The following PTPN14 variants were observed in gnomAD, a reference collection of about 807,000 sequenced individuals.
PTPN14 encodes tyrosine-protein phosphatase non-receptor type 14.
PTPN14 carries 53 observed loss-of-function variants against 126.8 expected under a neutral mutation model. That is an observed-to-expected ratio of 0.42 (90% CI 0.34 to 0.53). The LOEUF (loss-of-function observed/expected upper bound fraction) is 0.53. Ranked by LOEUF, PTPN14 falls within the 20% of genes least tolerant of loss-of-function variation. The probability of loss-of-function intolerance (pLI) is 0.08; values close to 1 mark genes in which losing one functional copy is unlikely to be tolerated. For synonymous variants in PTPN14, 630 were observed against 599.3 expected, an observed-to-expected ratio of 1.05 and a Z score of -0.75; for missense variants, 1,257 against 1,552.9, an observed-to-expected ratio of 0.81 and a Z score of 3.20.
chr1:214,520,644 G>A (rs984899553), intron 1 of PTPN14, among the ~76,000 whole-genome samples: 12 of 152,132 alleles, frequency 7.9e-5, no homozygotes, highest in Admixed American at 6.5e-4. Context: ...TAGGAAGAGA[G>A]GAGCAGGCTA....
intron 18 of PTPN14, among the ~76,000 whole-genome samples, chr1:214,360,414 C>T (rs866934420): frequency 6.6e-6 from 1 of 152,162 alleles, no homozygotes; most frequent in African/African-American, 2.4e-5. Flanking sequence ...TGTGAATCTT[C>T]GAACTATGAA....
Position 214,369,725 on chromosome 1 carries a change from G to A in PTPN14, c.3037-34C>T, listed in dbSNP as rs533854331. 11 of 1,562,216 alleles carry A rather than the reference G, an allele frequency of 7.0e-6. No individual in the cohort carries two copies. The South Asian group carries it at 1.2e-4, about 17-fold the overall frequency. The stretch of plus-strand genomic sequence containing the variant: ...CATATAAAAGCAAAATTGGAAATAG[G>A]TCAAGGGAAGCTCTCATCCTTTTAA... On this transcript the variant is annotated intron_variant, in intron 16 of 18. Transcript: ENST00000366956.
rs758401651 is a variant in PTPN14, at chr1:214,383,912, C to T, written c.1943G>A (p.Ser648Asn). 2.7e-5 allele frequency: 43 copies of T among 1,613,334 alleles called. 1 individual carries two copies. In the South Asian group the frequency reaches 4.7e-4, roughly 18 times the overall value. ...CATGGCCTCCATGCCCCGCACCATG[C>T]TGTTCATCACCTCCAGGCTGTGGCG... ...NKRHSLEVMN[S>N]MVRGMEAMTL... Residue 648 changes from serine to asparagine, a missense_variant, in exon 13 of 19, where the codon AGC becomes AAC. Physicochemically the swap from Ser to Asn is conservative, Grantham distance 46 (BLOSUM62 1). This residue lies in a region of PTPN14 where 1,021 missense variants were observed against 1,183.3 expected (regional missense o/e 0.86). Coordinates refer to ENST00000366956, the MANE Select transcript of PTPN14 (RefSeq NM_005401.5). This position sits in a 1 kb window ranked among gnomAD's most constrained non-coding sequence, Gnocchi z 4.4.
At chr1:214,549,248 G>C (rs1262689379) in intron 1 of PTPN14, among the ~76,000 whole-genome samples, 1 of 152,130 alleles carries the variant, frequency 6.6e-6, no homozygotes, top group African/African-American at 2.4e-5. Flanking sequence ...CCCTTGAAAG[G>C]CAAACCACGT....
intron 1 of PTPN14, among the ~76,000 whole-genome samples, chr1:214,477,889 C>A (rs948175159): frequency 4.6e-5 from 7 of 152,200 alleles, no homozygotes; most frequent in African/African-American, 1.4e-4. Flanking sequence ...ACTCCTTTTG[C>A]TCTTCTGATT....
At chr1:214,439,194 C>G (rs1659984262) in intron 3 of PTPN14, among the ~76,000 whole-genome samples, 1 of 152,206 alleles carries the variant, frequency 6.6e-6, no homozygotes, top group African/African-American at 2.4e-5. Context: ...ACATACAGAG[C>G]TCTAGCAGAT....
intron 1 of PTPN14, among the ~76,000 whole-genome samples, chr1:214,494,739 C>G (rs1396688270): frequency 3.9e-5 from 6 of 152,224 alleles, no homozygotes; most frequent in African/African-American, 1.4e-4. Context: ...AGTGGCCTCT[C>G]CTGATGTTTC....
At chr1:214,441,386 T>C (rs931254146) in intron 3 of PTPN14, among the ~76,000 whole-genome samples, 5 of 152,188 alleles carry the variant, frequency 3.3e-5, no homozygotes, top group Non-Finnish European at 7.4e-5. Flanking sequence ...AGGTTTTGGA[T>C]TCTTGTGCTT....
intron 10 of PTPN14, among the ~76,000 whole-genome samples, chr1:214,391,406 TCA>T (rs1016551739): frequency 8.5e-5 from 13 of 152,224 alleles, no homozygotes; most frequent in African/African-American, 2.4e-4. Context: ...GTAAAATCTT[TCA>T]CAGTTTTTAA....
At position 214,355,887 on chromosome 1, in the gene PTPN14, A is replaced by G. The variant is rs1571946104; in HGVS notation, c.*2035T>C. On this transcript the variant is annotated 3_prime_UTR_variant, in exon 19 of 19. Coordinates refer to ENST00000366956, the MANE Select transcript of PTPN14 (RefSeq NM_005401.5). ...GCATATGGAACTCTCACAGCAGTCA[A>G]TTCTAAGAAAAAAAACTGCAATTAA... The G allele has an allele frequency of 1.3e-5, 2 of 152,042 alleles. No homozygotes were observed. The highest frequency in any genetic ancestry group is 4.2e-4 in the South Asian group (2 of 4,814). 9.4% of individuals were successfully genotyped at this position (152,042 alleles called of 1,614,324 possible).
At position 214,383,420 on chromosome 1, in the gene PTPN14, T is replaced by A; in HGVS notation, c.2435A>T (p.Asp812Val). The change falls in exon 13 of 19, where the codon GAC becomes GTC. Residue 812 changes from aspartate to valine, a missense_variant. Coordinates refer to ENST00000366956, the MANE Select transcript of PTPN14 (RefSeq NM_005401.5). This position sits in a 1 kb window ranked among gnomAD's most constrained non-coding sequence, Gnocchi z 4.4. ...ASLGPSISEP[D>V]LTSVKERVKK... The stretch of plus-strand genomic sequence containing the variant: ...GACCCGCTCCTTCACACTAGTCAGG[T>A]CGGGTTCCGAGATGGATGGGCCGAG... The A allele has an allele frequency of 6.2e-7, 1 of 1,614,202 alleles. No individual in the cohort carries two copies. Among genetic ancestry groups the A allele is most frequent in the Non-Finnish European group, 8.5e-7 (1 of 1,180,038 alleles).
chr1:214,448,955 C>G (rs187729356), intron 3 of PTPN14, among the ~76,000 whole-genome samples: 30 of 151,972 alleles, frequency 2.0e-4, no homozygotes, highest in African/African-American at 7.0e-4. Context: ...CCTCCTACAA[C>G]AGTCTGTAAA....
Position 214,437,010 on chromosome 1 carries a change from A to AT in PTPN14, c.344+14794dup, listed in dbSNP as rs10582793. ...GCTATCTAGAACCAAGCCTCTCTGT[A>AT]TTTTTTTTTTTTTTTACTTAAATAT... On this transcript the variant is annotated intron_variant, in intron 3 of 18. Transcript: ENST00000366956. 3.3e-3 allele frequency among the ~76,000 whole-genome samples: 485 copies of AT among 147,748 alleles called. 3 individuals carry two copies. The highest frequency in any genetic ancestry group is 0.025 in the Middle Eastern group (7 of 284).
At position 214,512,208 on chromosome 1, in the gene PTPN14, A is replaced by AC. The variant is rs771137201; in HGVS notation, c.-155+38974dup. ...CCAGGGCCACCCACCAGACTGCTGT[A>AC]CCCCACAGCCTACCAGATTTACTCA... On this transcript the variant is annotated intron_variant, in intron 1 of 18. Transcript: ENST00000366956. Among the ~76,000 whole-genome samples, 94 of 152,096 alleles carry AC rather than the reference A, an allele frequency of 6.2e-4. 1 individual carries two copies. Among genetic ancestry groups the AC allele is most frequent in the Admixed American group, 3.8e-3 (58 of 15,274 alleles).
intron 5 of PTPN14, among the ~76,000 whole-genome samples, chr1:214,409,210 C>T (rs1016495612): frequency 3.9e-5 from 6 of 152,208 alleles, no homozygotes; most frequent in African/African-American, 1.4e-4. Flanking sequence ...TAACTTTGTA[C>T]CCTTTGATCA....
In PTPN14 at chr1:214,520,047, CA is replaced by C. The variant is rs1183768381; in HGVS notation, c.-155+31135del. Among the ~76,000 whole-genome samples, 537 of 80,748 alleles carry C rather than the reference CA, an allele frequency of 6.7e-3. 14 individuals are homozygous for C. In the East Asian group the frequency reaches 0.099, roughly 15 times the overall value. The allele number at this position is 80,748 out of a possible 152,430, so 53.0% of individuals were successfully genotyped here. On this transcript the variant is annotated intron_variant, in intron 1 of 18. Coordinates refer to ENST00000366956, the MANE Select transcript of PTPN14 (RefSeq NM_005401.5). ...TGAGTGACAGAAAAAAACCCTGTCT[CA>C]AAAAAAAAAAAAAAAAAATATATAT...
intron 3 of PTPN14, among the ~76,000 whole-genome samples, chr1:214,425,366 C>T (rs1293762263): frequency 6.6e-6 from 1 of 152,192 alleles, no homozygotes; most frequent in Non-Finnish European, 1.5e-5. Context: ...CTAGGTATTA[C>T]ATAATATAAA....
At chr1:214,512,812 T>C (rs1469784712) in intron 1 of PTPN14, among the ~76,000 whole-genome samples, 1 of 152,040 alleles carries the variant, frequency 6.6e-6, no homozygotes, top group African/African-American at 2.4e-5. Context: ...CACCTCAACC[T>C]CTCAAGTAGC....
chr1:214,485,339 G>A (rs918263516), intron 1 of PTPN14, among the ~76,000 whole-genome samples: 2 of 152,210 alleles, frequency 1.3e-5, no homozygotes, highest in Non-Finnish European at 2.9e-5. Flanking sequence ...ACAGAGGAAT[G>A]CTTCTAGCGG....
Sources: gnomAD v4.1 joint callset for allele counts (sites outside exome capture counted in the v4.1 genomes callset) on GRCh38, gnomAD v4.1.1 for gene constraint, gnomAD v4.1.1 regional missense constraint, Gnocchi (gnomAD v3.1) non-coding constraint, MANE v1.5 for transcripts, NCBI Gene and HGNC (gene_info 2026-07-23, HGNC 2026-07-21) for gene names.